The following AKT3 variants were observed in gnomAD, a reference collection of about 807,000 sequenced individuals.
AKT3 encodes the protein RAC-gamma serine/threonine-protein kinase.
In AKT3, 15 loss-of-function variants were observed where a neutral mutation model predicts 65.3. That is an observed-to-expected ratio of 0.23 (90% confidence interval 0.15 to 0.35). AKT3 has a LOEUF of 0.35. Ranked by LOEUF, AKT3 falls within the 10% of genes least tolerant of loss-of-function variation. The probability of loss-of-function intolerance (pLI) is 1.00; values close to 1 mark genes in which losing one functional copy is unlikely to be tolerated. For synonymous variants in AKT3, 206 were observed against 183.8 expected, an observed-to-expected ratio of 1.12 and a Z score of -0.98; for missense variants, 243 against 576.5, an observed-to-expected ratio of 0.42 and a Z score of 5.92.
intron 2 of AKT3, among the ~76,000 whole-genome samples, chr1:243,828,378 C>G (rs1325606170): frequency 6.6e-6 from 1 of 152,050 alleles, no homozygotes; most frequent in African/African-American, 2.4e-5. Context: ...AATGGCAAAG[C>G]CAGGATTTGG....
At chr1:243,725,387 G>A (rs1317639756) in intron 2 of AKT3, among the ~76,000 whole-genome samples, 1 of 152,144 alleles carries the variant, frequency 6.6e-6, no homozygotes, top group Non-Finnish European at 1.5e-5. Context: ...TGACTAGAGT[G>A]AGTGAAGTAT....
At chr1:243,513,501 C>T (rs1422126265) in intron 12 of AKT3, among the ~76,000 whole-genome samples, 2 of 152,084 alleles carry the variant, frequency 1.3e-5, no homozygotes, top group Admixed American at 1.3e-4. Flanking sequence ...CTTTCTGTCA[C>T]CAAATGTATG....
At chr1:243,659,730 A>G (rs1192462481) in intron 4 of AKT3, among the ~76,000 whole-genome samples, 2 of 152,248 alleles carry the variant, frequency 1.3e-5, no homozygotes, top group African/African-American at 4.8e-5. Flanking sequence ...TGAAATAAAT[A>G]TAAGACAGGT....
intron 2 of AKT3, among the ~76,000 whole-genome samples, chr1:243,804,428 T>C (rs1403558015): frequency 7.2e-5 from 11 of 152,248 alleles, no homozygotes; most frequent in Admixed American, 7.2e-4. Flanking sequence ...ACATACAACA[T>C]GATATTTTGA....
intron 2 of AKT3, among the ~76,000 whole-genome samples, chr1:243,708,065 A>G (rs1196765055): frequency 1.3e-5 from 2 of 152,054 alleles, no homozygotes; most frequent in African/African-American, 4.8e-5. Flanking sequence ...AAGACACAAA[A>G]ACTAAAACGC....
At chr1:243,698,052 A>G (rs1366179242) in intron 2 of AKT3, among the ~76,000 whole-genome samples, 1 of 152,128 alleles carries the variant, frequency 6.6e-6, no homozygotes, top group Non-Finnish European at 1.5e-5. Flanking sequence ...ACATGACTTA[A>G]TAAGGCAATT....
intron 12 of AKT3, among the ~76,000 whole-genome samples, chr1:243,542,148 T>C (rs1384260298): frequency 6.6e-6 from 1 of 152,196 alleles, no homozygotes. Context: ...ACACAAAATC[T>C]TAGCAGACTG....
chr1:243,770,745 A>C (rs1448491284), intron 2 of AKT3, among the ~76,000 whole-genome samples: 1 of 151,904 alleles, frequency 6.6e-6, no homozygotes, highest in African/African-American at 2.4e-5. Context: ...AAAAAAAAAA[A>C]AAACATTTTT....
At chr1:243,600,031 T>C (rs1676901381) in intron 8 of AKT3, among the ~76,000 whole-genome samples, 1 of 152,148 alleles carries the variant, frequency 6.6e-6, no homozygotes, top group Admixed American at 6.6e-5. Flanking sequence ...TTGAAATTTT[T>C]AATAATGACT....
At chr1:243,676,867 G>A (rs1184272861) in intron 3 of AKT3, among the ~76,000 whole-genome samples, 3 of 152,108 alleles carry the variant, frequency 2.0e-5, no homozygotes, top group African/African-American at 4.8e-5. Flanking sequence ...CTCTTAGGTG[G>A]TCTCCCTTTT....
At chr1:243,624,944 T>C (rs1180079826) in intron 6 of AKT3, 2 of 276,322 alleles carry the variant, frequency 7.2e-6, no homozygotes, top group Admixed American at 3.7e-5. Flanking sequence ...TAATCACTCT[T>C]GGTTTGTCCA....
At chr1:243,625,124 G>GT (rs67561828) in intron 6 of AKT3, 2,789 of 75,334 alleles carry the variant, frequency 0.037, 239 homozygotes, top group African/African-American at 0.13. Flanking sequence ...TGCAGTTTGT[G>GT]TTTTTTTTTT....
chr1:243,587,458 C>T lies in AKT3; in HGVS notation c.697-14410G>A, dbSNP rs183681948. Among the ~76,000 whole-genome samples, 346 of 152,084 alleles carry T rather than the reference C, an allele frequency of 2.3e-3. 1 individual carries two copies. The highest frequency in any genetic ancestry group is 3.5e-3 in the Non-Finnish European group (239 of 67,964). On this transcript the variant is annotated intron_variant, in intron 8 of 13. Coordinates refer to ENST00000673466, the MANE Select transcript of AKT3 (RefSeq NM_005465.7). The stretch of plus-strand genomic sequence containing the variant: ...AAACCCCGTCCCTACCAAAAGCACA[C>T]AAAAATAGCTGGGCATGGTGGCGGG...
At position 243,500,331 on chromosome 1, in the gene AKT3, G is replaced by A. The variant is rs1669146166; in HGVS notation, c.*4918C>T. The stretch of plus-strand genomic sequence containing the variant: ...TCAATCAATCAGGAGACACCAGGAA[G>A]CACTATGCATTACTCTTTCCATTCT... On this transcript the variant is annotated 3_prime_UTR_variant, in exon 14 of 14. Coordinates refer to ENST00000673466, the MANE Select transcript of AKT3 (RefSeq NM_005465.7). The A allele has an allele frequency of 4.4e-6, 1 of 225,134 alleles. No homozygotes were observed. The highest frequency in any genetic ancestry group is 1.8e-4 in the South Asian group (1 of 5,486). 13.9% of individuals were successfully genotyped at this position (225,134 alleles called of 1,614,324 possible). A position where few individuals can be genotyped will look rare whatever the true frequency, so the allele number is the denominator to read the frequency against.
At chr1:243,642,513 G>A (rs371326190) in intron 5 of AKT3, among the ~76,000 whole-genome samples, 5 of 152,088 alleles carry the variant, frequency 3.3e-5, no homozygotes, top group African/African-American at 4.8e-5. Context: ...GTTTCACCGT[G>A]TTAGCCAGGA....
At position 243,559,513 on chromosome 1, in the gene AKT3, C is replaced by A. The variant is rs561311435; in HGVS notation, c.948+4207G>T. 7.9e-5 allele frequency among the ~76,000 whole-genome samples: 12 copies of A among 152,148 alleles called. No homozygotes were observed. The East Asian group carries it at 2.3e-3, about 29-fold the overall frequency. On this transcript the variant is annotated intron_variant, in intron 10 of 13. Transcript: ENST00000673466. ...TGTTTTTCTAATTTGCCATAAGAAA[C>A]AAATTAAGTTCACTTAAAACTCAAG...
At chr1:243,832,462 CAGT>C (rs1334625459) in intron 2 of AKT3, among the ~76,000 whole-genome samples, 5 of 152,068 alleles carry the variant, frequency 3.3e-5, no homozygotes, top group African/African-American at 1.2e-4. Context: ...ATTTCACTTC[CAGT>C]AGTAGTATAG....
In AKT3 at chr1:243,686,647, ATATATTTTTTTTTTTTTTT is replaced by A. The variant is rs1475201748; in HGVS notation, c.172+8925_172+8943del. Among the ~76,000 whole-genome samples, 22 of 23,198 alleles carry A rather than the reference ATATATTTTTTTTTTTTTTT, an allele frequency of 9.5e-4. 1 individual carries two copies. In the East Asian group the frequency reaches 0.014, roughly 15 times the overall value. 15.2% of individuals were successfully genotyped at this position (23,198 alleles called of 152,430 possible). Reference sequence around the variant, plus strand: ...ATTGTTTTCATATATATATATATATATATATTTTTTTTTTTTTTTTTTTTTTTTTTTTTTTTTTGAGACA... The same window carrying A: ...ATTGTTTTCATATATATATATATATATTTTTTTTTTTTTTTTTTTGAGACA... On this transcript the variant is annotated intron_variant, in intron 3 of 13. Transcript: ENST00000673466.
chr1:243,688,070 G>T (rs1275767042), intron 3 of AKT3, among the ~76,000 whole-genome samples: 1 of 151,958 alleles, frequency 6.6e-6, no homozygotes, highest in Non-Finnish European at 1.5e-5. Flanking sequence ...TTCATTATAT[G>T]AATGTATCAA....
Sources: allele counts gnomAD v4.1 joint callset (sites outside exome capture counted in the v4.1 genomes callset), GRCh38; gene constraint gnomAD v4.1.1; transcripts MANE v1.5; gene names NCBI Gene and HGNC (gene_info 2026-07-23, HGNC 2026-07-21).